Variants in DIAPH3 observed in about 807,000 individuals in gnomAD.
DIAPH3 encodes diaphanous related formin 3, also known as protein diaphanous homolog 3.
DIAPH3 carries 117 observed loss-of-function variants against 144.3 expected under a neutral mutation model. The observed-to-expected ratio is 0.81, with a 90% CI of 0.70 to 0.95. The LOEUF is 0.95. Ranked by LOEUF, DIAPH3 falls within the 40% of genes least tolerant of loss-of-function variation. DIAPH3 has a pLI of 0.00. For missense variants in DIAPH3, 1,421 were observed against 1,412.7 expected (o/e 1.01, Z -0.09); for synonymous variants, 519 against 488.9 (o/e 1.06, Z -0.81).
intron 4 of DIAPH3, among the ~76,000 whole-genome samples, chr13:60,075,975 T>TG (rs1166295792): frequency 6.6e-6 from 1 of 152,224 alleles, no homozygotes; most frequent in Non-Finnish European, 1.5e-5. Context: ...CTGTCCCTAT[T>TG]GGGGGTCACT....
At chr13:59,950,722 G>A (rs12428891) in intron 17 of DIAPH3, among the ~76,000 whole-genome samples, 36,388 of 151,774 alleles carry the variant, frequency 0.24, 5,371 homozygotes, top group Admixed American at 0.37. Context: ...AAATCAACAG[G>A]TTTTTAAATA....
At chr13:59,706,268 T>C (rs1202767952) in intron 27 of DIAPH3, among the ~76,000 whole-genome samples, 2 of 152,134 alleles carry the variant, frequency 1.3e-5, no homozygotes, top group Admixed American at 1.3e-4. Flanking sequence ...TTATCTGTGG[T>C]TGGTTGCGGC....
At chr13:60,023,156 G>A (rs1287928878) in intron 5 of DIAPH3, among the ~76,000 whole-genome samples, 1 of 152,202 alleles carries the variant, frequency 6.6e-6, no homozygotes, top group African/African-American at 2.4e-5. Flanking sequence ...AAATTCTCCA[G>A]TGAAATCACC....
At chr13:59,707,848 T>C (rs1305904273) in intron 27 of DIAPH3, among the ~76,000 whole-genome samples, 1 of 152,082 alleles carries the variant, frequency 6.6e-6, no homozygotes, top group Non-Finnish European at 1.5e-5. Context: ...ACTCCTCCTC[T>C]TGCAACCTAG....
chr13:59,968,816 C>G (rs536169974), intron 17 of DIAPH3, among the ~76,000 whole-genome samples: 1 of 152,290 alleles, frequency 6.6e-6, no homozygotes, highest in African/African-American at 2.4e-5. Flanking sequence ...CATTCTTTGG[C>G]TGCTGTGCTC....
At chr13:59,962,931 A>T (rs1446856630) in intron 17 of DIAPH3, among the ~76,000 whole-genome samples, 1 of 152,192 alleles carries the variant, frequency 6.6e-6, no homozygotes, top group African/African-American at 2.4e-5. Flanking sequence ...GTACTCATGG[A>T]AACTTAATAG....
chr13:60,105,529 C>T (rs2058393288), intron 3 of DIAPH3, among the ~76,000 whole-genome samples: 2 of 152,140 alleles, frequency 1.3e-5, no homozygotes, highest in African/African-American at 4.8e-5. Flanking sequence ...AAACACAACC[C>T]ATGAATCAAC....
intron 18 of DIAPH3, among the ~76,000 whole-genome samples, chr13:59,923,894 G>A (rs1413576189): frequency 6.6e-6 from 1 of 152,172 alleles, no homozygotes; most frequent in Non-Finnish European, 1.5e-5. Flanking sequence ...TCTACCATTT[G>A]AATATATTGC....
intron 27 of DIAPH3, among the ~76,000 whole-genome samples, chr13:59,697,250 G>C (rs1489287928): frequency 6.6e-6 from 1 of 151,626 alleles, no homozygotes; most frequent in Non-Finnish European, 1.5e-5. Context: ...ACGAGATCAG[G>C]AGATCGAGAC....
intron 8 of DIAPH3, 62 bp from the exon 9 acceptor site, chr13:60,008,711 G>T: frequency 1.9e-6 from 2 of 1,047,578 alleles, no homozygotes; most frequent in Non-Finnish European, 1.5e-6. Context: ...TAATACAATT[G>T]CTTTATCCTA....
rs773982919 is a variant in DIAPH3, at chr13:59,991,279, G to A, written c.1245-5C>T. On this transcript the variant is annotated splice_region_variant and splice_polypyrimidine_tract_variant and intron_variant, in intron 11 of 27. Coordinates refer to ENST00000400324, the MANE Select transcript of DIAPH3 (RefSeq NM_001042517.2). ...TTGTAAACATCATATGCTTCAGTGA[G>A]TTGATTAAGGAATATATGGATTTAT... 5.2e-6 allele frequency: 8 copies of A among 1,545,972 alleles called. No individual in the cohort carries two copies. The Admixed American group carries it at 1.3e-4, about 26-fold the overall frequency.
At chr13:59,703,139 C>G (rs575967512) in intron 27 of DIAPH3, among the ~76,000 whole-genome samples, 1 of 152,268 alleles carries the variant, frequency 6.6e-6, no homozygotes, top group East Asian at 1.9e-4. Flanking sequence ...AATATAGTAG[C>G]CATAGCCACA....
At chr13:59,886,813 T>C (rs1425785681) in intron 20 of DIAPH3, among the ~76,000 whole-genome samples, 1 of 152,054 alleles carries the variant, frequency 6.6e-6, no homozygotes, top group Non-Finnish European at 1.5e-5. Flanking sequence ...TCTATGACCT[T>C]TTTCAATTCA....
At chr13:60,058,146 A>G (rs2056627055) in intron 4 of DIAPH3, among the ~76,000 whole-genome samples, 1 of 152,010 alleles carries the variant, frequency 6.6e-6, no homozygotes, top group Admixed American at 6.6e-5. Flanking sequence ...TGCATCTGAC[A>G]AAGAATTAAT....
chr13:59,716,421 C>T (rs934117428), intron 27 of DIAPH3, among the ~76,000 whole-genome samples: 2 of 152,130 alleles, frequency 1.3e-5, no homozygotes, highest in Non-Finnish European at 2.9e-5. Flanking sequence ...GTGATCTGCC[C>T]GCCTTTGCCT....
intron 17 of DIAPH3, among the ~76,000 whole-genome samples, chr13:59,926,744 C>T (rs1055836358): frequency 4.6e-5 from 7 of 152,086 alleles, no homozygotes; most frequent in Non-Finnish European, 7.4e-5. Context: ...GTTTTCTGGC[C>T]TAACATATGG....
At chr13:59,745,392 T>C (rs905085262) in intron 27 of DIAPH3, among the ~76,000 whole-genome samples, 5 of 152,184 alleles carry the variant, frequency 3.3e-5, no homozygotes, top group African/African-American at 1.2e-4. Context: ...CAGCAAAATA[T>C]CTTGGAAGAG....
intron 1 of DIAPH3, among the ~76,000 whole-genome samples, chr13:60,158,843 CA>C (rs1380627337): frequency 7.1e-6 from 1 of 140,840 alleles, no homozygotes; most frequent in Non-Finnish European, 1.5e-5. Flanking sequence ...ATCCTGCTGT[CA>C]GAAGTTACAC....
intron 4 of DIAPH3, among the ~76,000 whole-genome samples, chr13:60,082,329 C>T (rs1262714528): frequency 5.4e-5 from 8 of 147,638 alleles, no homozygotes; most frequent in African/African-American, 2.0e-4. Context: ...GACAAAAATC[C>T]AACATACAGA....
Sources: gnomAD v4.1 joint callset for allele counts (sites outside exome capture counted in the v4.1 genomes callset) on GRCh38, gnomAD v4.1.1 for gene constraint, MANE v1.5 for transcripts, NCBI Gene and HGNC (gene_info 2026-07-23, HGNC 2026-07-21) for gene names.